The following TMEM132C variants were observed in gnomAD, a reference collection of about 807,000 sequenced individuals.
The protein encoded by TMEM132C is transmembrane protein 132C.
In TMEM132C, 29 loss-of-function variants were observed where a neutral mutation model predicts 61.4. That is an observed-to-expected ratio of 0.47 (90% CI 0.35 to 0.64). The LOEUF (loss-of-function observed/expected upper bound fraction) is 0.64. Ranked by LOEUF, TMEM132C falls within the 30% of genes least tolerant of loss-of-function variation. TMEM132C has a pLI of 0.00. For synonymous variants in TMEM132C, 656 were observed against 633.1 expected (o/e 1.04, Z -0.54); for missense variants, 1,408 against 1,476.9 (o/e 0.95, Z 0.76).
intron 3 of TMEM132C, among the ~76,000 whole-genome samples, chr12:128,605,191 G>T (rs1268119205): frequency 6.6e-6 from 1 of 152,062 alleles, no homozygotes; most frequent in Non-Finnish European, 1.5e-5. Context: ...AATTATAGAG[G>T]CTGGCAAGTC....
intron 3 of TMEM132C, among the ~76,000 whole-genome samples, chr12:128,571,502 A>T (rs1874882007): frequency 1.3e-5 from 2 of 152,152 alleles, no homozygotes; most frequent in African/African-American, 4.8e-5. Flanking sequence ...TCCACCTCCA[A>T]AATGTTGTTT....
At chr12:128,379,736 A>G (rs1593031856) in intron 1 of TMEM132C, among the ~76,000 whole-genome samples, 2 of 152,146 alleles carry the variant, frequency 1.3e-5, no homozygotes, top group East Asian at 3.9e-4. Context: ...CCTTAATTAC[A>G]TCTGTAAAGA....
At chr12:128,397,455 C>T (rs572622683) in intron 1 of TMEM132C, among the ~76,000 whole-genome samples, 5 of 152,292 alleles carry the variant, frequency 3.3e-5, no homozygotes, top group African/African-American at 1.2e-4. Flanking sequence ...AGCAGTGTAG[C>T]AAGGCAGGCA....
intron 3 of TMEM132C, among the ~76,000 whole-genome samples, chr12:128,545,307 C>T (rs1403352910): frequency 6.6e-6 from 1 of 152,104 alleles, no homozygotes; most frequent in African/African-American, 2.4e-5. Context: ...TGATTTTGTT[C>T]TTTTTTATGG....
intron 2 of TMEM132C, among the ~76,000 whole-genome samples, chr12:128,422,328 T>C (rs1432351360): frequency 1.3e-5 from 2 of 152,196 alleles, no homozygotes; most frequent in African/African-American, 4.8e-5. Context: ...TAGGTCAGTC[T>C]TGACCCTGCA....
At chr12:128,410,510 C>T (rs1011778155) in intron 1 of TMEM132C, among the ~76,000 whole-genome samples, 14 of 152,254 alleles carry the variant, frequency 9.2e-5, no homozygotes, top group African/African-American at 3.4e-4. Context: ...TCAAGTGATT[C>T]TCCTGCCTCA....
At chr12:128,659,782 A>C (rs1393405414) in intron 4 of TMEM132C, among the ~76,000 whole-genome samples, 1 of 143,462 alleles carries the variant, frequency 7.0e-6, no homozygotes, top group Non-Finnish European at 1.5e-5. Context: ...TCTGGAGAGA[A>C]ATGAAAAATG....
intron 1 of TMEM132C, among the ~76,000 whole-genome samples, chr12:128,268,427 G>T (rs925315003): frequency 6.6e-6 from 1 of 152,230 alleles, no homozygotes; most frequent in Admixed American, 6.5e-5. Flanking sequence ...GGGGAGCAAG[G>T]CCTAGGCTCT....
At chr12:128,387,639 G>A (rs753999734) in intron 1 of TMEM132C, among the ~76,000 whole-genome samples, 10 of 151,936 alleles carry the variant, frequency 6.6e-5, no homozygotes, top group African/African-American at 9.7e-5. Context: ...ATGAAACCCC[G>A]TCTCTGCTAA....
At chr12:128,352,891 C>T (rs1206738018) in intron 1 of TMEM132C, among the ~76,000 whole-genome samples, 2 of 152,090 alleles carry the variant, frequency 1.3e-5, no homozygotes, top group Admixed American at 6.5e-5. Context: ...GAAAGAAATA[C>T]CTTTTTCTAA....
rs1329886066 is a variant in TMEM132C, at chr12:128,414,937, C to T, written c.291C>T (p.Ala97=). ...CCAGGCAGCCCCCAGTGCTCAATGC[C>T]AGCTATGGACCCTTTTCTGTGGAGA... ...YKTRQPPVLN[A]SYGPFSVEKV... Residue 97 remains alanine (A), a synonymous_variant, in exon 2 of 9, where the codon GCC becomes GCT. Coordinates refer to ENST00000435159, the MANE Select transcript of TMEM132C (RefSeq NM_001136103.3). The T allele has an allele frequency of 2.5e-5, 39 of 1,551,672 alleles. No homozygotes were observed. The highest frequency in any genetic ancestry group is 3.4e-5 in the Non-Finnish European group (39 of 1,147,050).
chr12:128,679,100 G>T (rs983707205), intron 5 of TMEM132C, among the ~76,000 whole-genome samples: 1 of 152,162 alleles, frequency 6.6e-6, no homozygotes, highest in Non-Finnish European at 1.5e-5. Flanking sequence ...AAAAGAAAAG[G>T]CAGGTGACAC....
intron 4 of TMEM132C, among the ~76,000 whole-genome samples, chr12:128,665,375 GCA>G (rs34447670): frequency 2.9e-4 from 38 of 131,182 alleles, no homozygotes; most frequent in Middle Eastern, 6.0e-3. Context: ...AAACACAGGT[GCA>G]CACACACACA....
chr12:128,426,809 T>C (rs1869201516), intron 2 of TMEM132C, among the ~76,000 whole-genome samples: 1 of 152,174 alleles, frequency 6.6e-6, no homozygotes, highest in Admixed American at 6.5e-5. Flanking sequence ...TAGAATTGAC[T>C]CCAGCTCTGT....
In TMEM132C at chr12:128,352,350, G is replaced by A. The variant is rs145935053; in HGVS notation, c.86-62382G>A. 3.7e-4 allele frequency among the ~76,000 whole-genome samples: 56 copies of A among 152,236 alleles called. 1 individual carries two copies. The highest frequency in any genetic ancestry group is 1.3e-3 in the African/African-American group (54 of 41,540). On this transcript the variant is annotated intron_variant, in intron 1 of 8. Transcript: ENST00000435159. ...GCCCCTCATAAAACCATCAGATCTCGTGAGAACTTACTCACTGTCACAAGA... is the reference window on the plus strand; with the variant it reads ...GCCCCTCATAAAACCATCAGATCTCATGAGAACTTACTCACTGTCACAAGA...
At chr12:128,690,719 A>T (rs1782365528) in intron 5 of TMEM132C, among the ~76,000 whole-genome samples, 1 of 152,130 alleles carries the variant, frequency 6.6e-6, no homozygotes, top group Non-Finnish European at 1.5e-5. Flanking sequence ...TTCCTTCTTT[A>T]ATCAGCATGT....
rs1485332651 is a variant in TMEM132C, at chr12:128,486,367, A to G, written c.975-57590A>G. On this transcript the variant is annotated intron_variant, in intron 2 of 8. Transcript: ENST00000435159. ...AGCTGGGGGAATCTACCCTTTCTCA[A>G]TAATAGGAAAAGTAATTAAGGGAAC... is the stretch of plus-strand genomic sequence containing the variant. 3.3e-5 allele frequency among the ~76,000 whole-genome samples: 5 copies of G among 152,230 alleles called. No individual in the cohort carries two copies. The South Asian group carries it at 6.2e-4, about 19-fold the overall frequency.
rs748682227 is a variant in TMEM132C, at chr12:128,698,494, G to A, written c.2121+1079G>A. ...CCACCTATGTAACCTCAGGCAAGAC[G>A]CCTCACCCGTGTCTCAATCCTTAAT... On this transcript the variant is annotated intron_variant, in intron 8 of 8. Transcript: ENST00000435159. Among the ~76,000 whole-genome samples, 6 of 152,180 alleles carry A rather than the reference G, an allele frequency of 3.9e-5. No homozygotes were observed. The East Asian group carries it at 7.7e-4, about 20-fold the overall frequency.
At chr12:128,457,741 A>G (rs1009376685) in intron 2 of TMEM132C, among the ~76,000 whole-genome samples, 2 of 152,180 alleles carry the variant, frequency 1.3e-5, no homozygotes, top group African/African-American at 4.8e-5. Context: ...CCAAACTTCA[A>G]AGGTCCAAGA....
Sources: allele counts gnomAD v4.1 joint callset (sites outside exome capture counted in the v4.1 genomes callset), GRCh38; gene constraint gnomAD v4.1.1; transcripts MANE v1.5; gene names NCBI Gene and HGNC (gene_info 2026-07-23, HGNC 2026-07-21).